The following OSR2 variants were observed in gnomAD, a reference collection of about 807,000 sequenced individuals.
OSR2 encodes odd-skipped related transciption factor 2, also known as protein odd-skipped-related 2.
In OSR2, 8 loss-of-function variants were observed where a neutral mutation model predicts 22.3. That is an observed-to-expected ratio of 0.36 (90% CI 0.21 to 0.65). The LOEUF (loss-of-function observed/expected upper bound fraction) is 0.65, where lower values mean the gene tolerates loss of function less well. OSR2 is among the 30% of genes least tolerant of loss of function. The probability of loss-of-function intolerance (pLI) is 0.66; values close to 1 mark genes in which losing one functional copy is unlikely to be tolerated. For missense variants in OSR2, 311 were observed against 413.4 expected (o/e 0.75, Z 2.15); for synonymous variants, 179 against 173.8 (o/e 1.03, Z -0.23).
Position 98,951,003 on chromosome 8 carries a change from A to T in OSR2, c.756+248A>T, listed in dbSNP as rs552659011. ...AAATCCTAATTTTAGAATTTTTTTCATCCAATCTGTCCTGCATTTAAAGCT... is the reference window on the plus strand; with the variant it reads ...AAATCCTAATTTTAGAATTTTTTTCTTCCAATCTGTCCTGCATTTAAAGCT... On this transcript the variant is annotated intron_variant, in intron 3 of 3. Coordinates refer to ENST00000297565, the MANE Select transcript of OSR2 (RefSeq NM_001142462.3). The T allele has an allele frequency of 1.4e-3, 823 of 596,266 alleles. 3 individuals carry two copies. The highest frequency in any genetic ancestry group is 3.7e-3 in the Admixed American group (120 of 32,788). The allele number at this position is 596,266 out of a possible 1,614,324, so 36.9% of individuals were successfully genotyped here.
intron 1 of OSR2, among the ~76,000 whole-genome samples, chr8:98,946,777 C>T (rs947190899): frequency 6.6e-6 from 1 of 152,136 alleles, no homozygotes; most frequent in Non-Finnish European, 1.5e-5. Flanking sequence ...CCCTCCCCAA[C>T]GCATACACCC....
In OSR2 at chr8:98,949,621, A is replaced by T; in HGVS notation, c.656+13A>T. On this transcript the variant is annotated intron_variant, in intron 2 of 3. Transcript: ENST00000297565. The surrounding 1 kb of genome is among the most constrained non-coding windows in gnomAD (Gnocchi z 5.9). Reference sequence around the variant, plus strand: ...TGCGGGATCACAGGTGAGGCGGGCAAGGAGGATGGCTGGGAGAGGGAAAGC... The same window carrying T: ...TGCGGGATCACAGGTGAGGCGGGCATGGAGGATGGCTGGGAGAGGGAAAGC... 2 of 1,600,398 alleles carry T rather than the reference A, an allele frequency of 1.2e-6. No homozygotes were observed. The highest frequency in any genetic ancestry group is 1.7e-6 in the Non-Finnish European group (2 of 1,171,524).
In OSR2 at chr8:98,948,106, C is replaced by A. The variant is rs192357477; in HGVS notation, c.-114-733C>A. The A allele has an allele frequency of 1.5e-6, 2 of 1,350,824 alleles. No individual in the cohort carries two copies. Among genetic ancestry groups the A allele is most frequent in the Non-Finnish European group, 1.9e-6 (2 of 1,054,392 alleles). The allele number at this position is 1,350,824 out of a possible 1,614,324, so 83.7% of individuals were successfully genotyped here. A position where few individuals can be genotyped will look rare whatever the true frequency, so the allele number is the denominator to read the frequency against. ...AGAGCCCGTGGATAGGAGGAGGGGG[C>A]GATTCTAGGCCGAATCCAGCCCCTG... On this transcript the variant is annotated intron_variant, in intron 1 of 3. Coordinates refer to ENST00000297565, the MANE Select transcript of OSR2 (RefSeq NM_001142462.3). The surrounding 1 kb of genome is among the most constrained non-coding windows in gnomAD (Gnocchi z 6.0).
intron 1 of OSR2, 97 bp downstream of exon 1, chr8:98,944,920 A>C (rs1840560154): frequency 1.3e-5 from 2 of 152,024 alleles, no homozygotes. Context: ...GTGTGCCCCA[A>C]ATTCAGATGT....
At chr8:98,946,027 A>G (rs188002348) in intron 1 of OSR2, 165 of 152,356 alleles carry the variant, frequency 1.1e-3, no homozygotes, top group African/African-American at 3.8e-3. Flanking sequence ...CAATGTTTTG[A>G]AAGCTTCACT....
At chr8:98,945,832 T>G (rs941181242) in intron 1 of OSR2, among the ~76,000 whole-genome samples, 50 of 152,256 alleles carry the variant, frequency 3.3e-4, no homozygotes, top group Non-Finnish European at 2.9e-5. Context: ...TATAAAATTC[T>G]GCTGTGGTTT....
intron 2 of OSR2, among the ~76,000 whole-genome samples, chr8:98,950,065 AG>A (rs927846851): frequency 7.9e-5 from 11 of 139,880 alleles, no homozygotes; most frequent in African/African-American, 2.8e-4. Context: ...GTGGGTTGAG[AG>A]GGGGAGGAGG....
chr8:98,946,225 AGT>A (rs1303469766), intron 1 of OSR2: 2 of 152,278 alleles, frequency 1.3e-5, no homozygotes, highest in African/African-American at 2.4e-5. Flanking sequence ...AAAAGTAACC[AGT>A]GGTCTGAAAC....
At chr8:98,951,115 T>G in intron 3 of OSR2, 1 of 498,542 alleles carries the variant, frequency 2.0e-6, no homozygotes, top group Non-Finnish European at 3.5e-6. Flanking sequence ...GCCTCATAAT[T>G]TGTAGCTTTC....
At chr8:98,946,564 CT>C (rs35793128) in intron 1 of OSR2, among the ~76,000 whole-genome samples, 128 of 147,382 alleles carry the variant, frequency 8.7e-4, no homozygotes, top group African/African-American at 1.8e-3. Flanking sequence ...TGAAATAGCA[CT>C]TTTTTTTTTT....
chr8:98,951,430 G>A, intron 3 of OSR2, 89 bp from the exon 4 acceptor site: 1 of 1,248,790 alleles, frequency 8.0e-7, no homozygotes, highest in Non-Finnish European at 1.1e-6. Context: ...TTATGTTAAC[G>A]CTTGTGATAA....
intron 1 of OSR2, among the ~76,000 whole-genome samples, chr8:98,945,176 T>G (rs1253769372): frequency 2.0e-5 from 3 of 152,248 alleles, no homozygotes; most frequent in Admixed American, 6.5e-5. Flanking sequence ...TGGGTCGACT[T>G]GTCCCGGGGC....
In OSR2 at chr8:98,949,374, C is replaced by T. The variant is rs771677275; in HGVS notation, c.422C>T (p.Pro141Leu). The T allele has an allele frequency of 9.3e-6, 15 of 1,613,032 alleles. No homozygotes were observed. In the East Asian group the frequency reaches 3.3e-4, roughly 36 times the overall value. ...PKMGDLSKLSPGLGSPISGLS... is the reference protein window; with the variant it reads ...PKMGDLSKLSLGLGSPISGLS... Reference sequence around the variant, plus strand: ...ATGGGAGACCTGAGCAAGCTGAGCCCAGGACTGGGTAGCCCCATCTCGGGC... The same window carrying T: ...ATGGGAGACCTGAGCAAGCTGAGCCTAGGACTGGGTAGCCCCATCTCGGGC... Residue 141 changes from proline (P) to leucine (L), a missense_variant, in exon 2 of 4, where the codon CCA (proline) becomes CTA (leucine). Physicochemically the swap from Pro to Leu is moderately conservative, Grantham distance 98 (BLOSUM62 -3). Coordinates refer to ENST00000297565, the MANE Select transcript of OSR2 (RefSeq NM_001142462.3). The surrounding 1 kb of genome is among the most constrained non-coding windows in gnomAD (Gnocchi z 5.9).
In OSR2 at chr8:98,948,227, G is replaced by A. The variant is rs1840667323; in HGVS notation, c.-114-612G>A. 3 of 1,469,680 alleles carry A rather than the reference G, an allele frequency of 2.0e-6. No homozygotes were observed. Among genetic ancestry groups the A allele is most frequent in the South Asian group, 2.6e-5 (2 of 76,896 alleles). 91.0% of individuals were successfully genotyped at this position (1,469,680 alleles called of 1,614,324 possible). On this transcript the variant is annotated intron_variant, in intron 1 of 3. Transcript: ENST00000297565. This position sits in a 1 kb window ranked among gnomAD's most constrained non-coding sequence, Gnocchi z 6.0. ...AAAACCTCCGAGGTCAGTGCGGGGC[G>A]AGGTGAGCCCCTCCCAGGGCCCTCT... is the stretch of plus-strand genomic sequence containing the variant.
Position 98,949,615 on chromosome 8 carries a change from C to G in OSR2, c.656+7C>G. 2 of 1,602,360 alleles carry G rather than the reference C, an allele frequency of 1.2e-6. No homozygotes were observed. Among genetic ancestry groups the G allele is most frequent in the Non-Finnish European group, 1.7e-6 (2 of 1,172,598 alleles). On this transcript the variant is annotated splice_region_variant and intron_variant, in intron 2 of 3. Coordinates refer to ENST00000297565, the MANE Select transcript of OSR2 (RefSeq NM_001142462.3). This position sits in a 1 kb window ranked among gnomAD's most constrained non-coding sequence, Gnocchi z 5.9. ...ATCACCTGCGGGATCACAGGTGAGG[C>G]GGGCAAGGAGGATGGCTGGGAGAGG... is the stretch of plus-strand genomic sequence containing the variant.
intron 1 of OSR2, among the ~76,000 whole-genome samples, chr8:98,946,501 T>C (rs1167009082): frequency 6.6e-6 from 1 of 152,246 alleles, no homozygotes; most frequent in South Asian, 2.1e-4. Flanking sequence ...AATGGTTTGC[T>C]CTTCCTCTAT....
Position 98,949,587 on chromosome 8 carries a change from A to C in OSR2, c.635A>C (p.Gln212Pro). The C allele has an allele frequency of 1.2e-6, 2 of 1,611,208 alleles. No individual in the cohort carries two copies. The highest frequency in any genetic ancestry group is 2.2e-5 in the South Asian group (2 of 90,888). ...ATCTGCCACAAGGCCTTCCGGAGGC[A>C]AGATCACCTGCGGGATCACAGGTGA... The part of the protein sequence containing the change: ...CDICHKAFRR[Q>P]DHLRDHRYIH... The change falls in exon 2 of 4, where the codon CAA becomes CCA. Residue 212 changes from glutamine (Q) to proline (P), a missense_variant. Transcript: ENST00000297565. The surrounding 1 kb of genome is among the most constrained non-coding windows in gnomAD (Gnocchi z 5.9).
chr8:98,949,647 G>A lies in OSR2; in HGVS notation c.656+39G>A, dbSNP rs1327049634. On this transcript the variant is annotated intron_variant, in intron 2 of 3. Transcript: ENST00000297565. The surrounding 1 kb of genome is among the most constrained non-coding windows in gnomAD (Gnocchi z 5.9). ...GGAGGATGGCTGGGAGAGGGAAAGC[G>A]AATTTGTCCTGGACACACCGAGTCC... The A allele has an allele frequency of 6.3e-7, 1 of 1,579,870 alleles. No homozygotes were observed. The highest frequency in any genetic ancestry group is 8.6e-7 in the Non-Finnish European group (1 of 1,162,144).
Position 98,949,799 on chromosome 8 carries a change from T to C in OSR2, c.656+191T>C, listed in dbSNP as rs1333108357. Among the ~76,000 whole-genome samples the C allele has an allele frequency of 1.3e-5, 2 of 152,132 alleles. No individual in the cohort carries two copies. Among genetic ancestry groups the C allele is most frequent in the African/African-American group, 2.4e-5 (1 of 41,416 alleles). ...CTTTCCCCCAGCGGCTCTTGCTACG[T>C]TCTTGTTTGGAATGAGGGAGGGCCT... On this transcript the variant is annotated intron_variant, in intron 2 of 3. Coordinates refer to ENST00000297565, the MANE Select transcript of OSR2 (RefSeq NM_001142462.3). The surrounding 1 kb of genome is among the most constrained non-coding windows in gnomAD (Gnocchi z 5.9).
Sources: gnomAD v4.1 joint callset for allele counts (sites outside exome capture counted in the v4.1 genomes callset) on GRCh38, gnomAD v4.1.1 for gene constraint, Gnocchi (gnomAD v3.1) non-coding constraint, MANE v1.5 for transcripts, NCBI Gene and HGNC (gene_info 2026-07-23, HGNC 2026-07-21) for gene names.